The following UBE2H variants were observed in gnomAD, a reference collection of about 807,000 sequenced individuals.
UBE2H encodes the protein ubiquitin-conjugating enzyme E2 H.
Under a neutral mutation model 29.0 loss-of-function variants are expected in UBE2H, and 3 were observed. The observed-to-expected ratio is 0.10, with a 90% CI of 0.05 to 0.27. The LOEUF (loss-of-function observed/expected upper bound fraction) is 0.27. UBE2H is among the 10% of genes least tolerant of loss of function. The pLI is 1.00. For missense variants in UBE2H, 68 were observed against 228.2 expected (o/e 0.30, Z 4.52); for synonymous variants, 69 against 82.9 (o/e 0.83, Z 0.91).
chr7:129,880,118 C>T (rs908249038), intron 2 of UBE2H, among the ~76,000 whole-genome samples: 10 of 152,170 alleles, frequency 6.6e-5, no homozygotes, highest in Non-Finnish European at 5.9e-5. Context: ...GCAGGTTCCA[C>T]ACCCCTGGAT....
chr7:129,888,480 CT>C (rs529356674), intron 1 of UBE2H, among the ~76,000 whole-genome samples: 1,943 of 145,076 alleles, frequency 0.013, 31 homozygotes, highest in African/African-American at 0.039. Context: ...TAGCAAGACC[CT>C]TTTTTTTTTT....
chr7:129,925,309 T>TGCACTCCAGACTGGGCAACAGA (rs1328243439), intron 1 of UBE2H, among the ~76,000 whole-genome samples: 1 of 151,470 alleles, frequency 6.6e-6, no homozygotes, highest in Admixed American at 6.6e-5. Flanking sequence ...ATTACGCCAC[T>TGCACTCCAGACTGGGCAACAGA]GCACTCCAGA....
intron 5 of UBE2H, 189 bp downstream of exon 5, chr7:129,857,322 C>T: frequency 1.7e-6 from 1 of 589,944 alleles, no homozygotes; most frequent in East Asian, 2.9e-5. Flanking sequence ...TTTAAACTTC[C>T]ACAGCTAAAC....
intron 5 of UBE2H, among the ~76,000 whole-genome samples, chr7:129,851,112 TCCC>T (rs113910856): frequency 2.6e-5 from 4 of 152,128 alleles, no homozygotes; most frequent in African/African-American, 7.2e-5. Flanking sequence ...GTAGCCCCTT[TCCC>T]CCCAACATAT....
rs1805208250 is a variant in UBE2H at position 129,830,829 on chromosome 7, G to A, written c.*4108C>T. On this transcript the variant is annotated 3_prime_UTR_variant, in exon 7 of 7. Coordinates refer to ENST00000355621, the MANE Select transcript of UBE2H (RefSeq NM_003344.4). ...AGTCAGAGGAGGCATGTGTCCTGTT[G>A]ACAGACGTGCCTACTAGATCATCAC... is the stretch of plus-strand genomic sequence containing the variant. 1 of 147,240 alleles carries A rather than the reference G, an allele frequency of 6.8e-6. No homozygotes were observed. The highest frequency in any genetic ancestry group is 1.5e-5 in the Non-Finnish European group (1 of 67,132). The allele number at this position is 147,240 out of a possible 1,614,324, so 9.1% of individuals were successfully genotyped here.
chr7:129,943,520 G>A (rs1807689801), intron 1 of UBE2H, among the ~76,000 whole-genome samples: 1 of 148,576 alleles, frequency 6.7e-6, no homozygotes, highest in African/African-American at 2.4e-5. Context: ...GGAGGCAGAG[G>A]TTGCAGTGAG....
At chr7:129,893,794 C>T (rs1236180523) in intron 1 of UBE2H, among the ~76,000 whole-genome samples, 1 of 152,268 alleles carries the variant, frequency 6.6e-6, no homozygotes, top group East Asian at 1.9e-4. Flanking sequence ...TGTACAAATG[C>T]ATGTATATAA....
At chr7:129,856,883 A>G (rs1016100588) in intron 5 of UBE2H, 1 of 152,166 alleles carries the variant, frequency 6.6e-6, no homozygotes, top group East Asian at 1.9e-4. Flanking sequence ...ATACCAAGAG[A>G]TGACTGTATT....
chr7:129,886,500 T>G (rs28604351), intron 1 of UBE2H, among the ~76,000 whole-genome samples: 27,932 of 152,084 alleles, frequency 0.18, 2,845 homozygotes, highest in African/African-American at 0.26. Context: ...GGACTGACAA[T>G]AACAGGTCAA....
chr7:129,862,257 C>A (rs1805817323), intron 3 of UBE2H, among the ~76,000 whole-genome samples: 1 of 152,144 alleles, frequency 6.6e-6, no homozygotes, highest in African/African-American at 2.4e-5. Context: ...AAAATACGTT[C>A]TTGATACTTA....
chr7:129,913,252 CAAAAAA>C (rs59869623), intron 1 of UBE2H, among the ~76,000 whole-genome samples: 1 of 75,540 alleles, frequency 1.3e-5, no homozygotes, highest in Non-Finnish European at 2.8e-5. Flanking sequence ...AACTCCGTCT[CAAAAAA>C]AAAAAAAAAA....
At chr7:129,847,031 A>ATTATTT (rs1554430107) in intron 5 of UBE2H, among the ~76,000 whole-genome samples, 1 of 151,094 alleles carries the variant, frequency 6.6e-6, no homozygotes, top group Non-Finnish European at 1.5e-5. Context: ...TATTATTATT[A>ATTATTT]TTTTTTGAGA....
chr7:129,950,105 CAGAG>C (rs570178593), intron 1 of UBE2H, among the ~76,000 whole-genome samples: 7 of 152,156 alleles, frequency 4.6e-5, no homozygotes, highest in East Asian at 1.9e-4. Flanking sequence ...GTGAATTCAA[CAGAG>C]AAAGGAGGAC....
chr7:129,898,430 A>C (rs1161735550), intron 1 of UBE2H, among the ~76,000 whole-genome samples: 4 of 152,230 alleles, frequency 2.6e-5, no homozygotes, highest in African/African-American at 9.6e-5. Flanking sequence ...CATCAACAAT[A>C]AGAATGAAGG....
chr7:129,842,091 C>T (rs1010913516), intron 5 of UBE2H, among the ~76,000 whole-genome samples: 7 of 152,212 alleles, frequency 4.6e-5, no homozygotes, highest in African/African-American at 1.4e-4. Context: ...TACCTCAAGG[C>T]AATAGATGTG....
At chr7:129,939,775 T>C (rs939531700) in intron 1 of UBE2H, among the ~76,000 whole-genome samples, 2 of 151,958 alleles carry the variant, frequency 1.3e-5, no homozygotes, top group Non-Finnish European at 2.9e-5. Flanking sequence ...CTGGCCAACA[T>C]GGTGAAACCC....
rs1395956882 is a variant in UBE2H, at chr7:129,840,921, T to C, written c.299-1586A>G. 2.0e-5 allele frequency among the ~76,000 whole-genome samples: 3 copies of C among 152,178 alleles called. No individual in the cohort carries two copies. In the South Asian group the frequency reaches 6.2e-4, roughly 32 times the overall value. On this transcript the variant is annotated intron_variant, in intron 5 of 6. Coordinates refer to ENST00000355621, the MANE Select transcript of UBE2H (RefSeq NM_003344.4). ...ATTTGTGGTTCTCAGCCAAGGGTGA[T>C]TTTGCTCCCCATGGAATTTGGCAAT... is the stretch of plus-strand genomic sequence containing the variant.
chr7:129,949,992 C>G (rs1394107373), intron 1 of UBE2H, among the ~76,000 whole-genome samples: 2 of 152,136 alleles, frequency 1.3e-5, no homozygotes, highest in African/African-American at 4.8e-5. Flanking sequence ...CCTTTTCACA[C>G]AATTGTACTC....
intron 1 of UBE2H, among the ~76,000 whole-genome samples, chr7:129,913,444 G>A (rs1806980596): frequency 6.6e-6 from 1 of 152,032 alleles, no homozygotes; most frequent in Non-Finnish European, 1.5e-5. Flanking sequence ...AAAAGGTCCT[G>A]ATCTTTTGTA....
Sources: gnomAD v4.1 joint callset for allele counts (sites outside exome capture counted in the v4.1 genomes callset) on GRCh38, gnomAD v4.1.1 for gene constraint, MANE v1.5 for transcripts, NCBI Gene and HGNC (gene_info 2026-07-23, HGNC 2026-07-21) for gene names.